Variants in CLVS1 observed in about 807,000 individuals in gnomAD.
CLVS1 encodes clavesin-1.
Under a neutral mutation model 33.1 loss-of-function variants are expected in CLVS1, and 10 were observed. That is an observed-to-expected ratio of 0.30 (90% confidence interval 0.19 to 0.51). The LOEUF (loss-of-function observed/expected upper bound fraction) is 0.51. CLVS1 is among the 20% of genes least tolerant of loss of function. The probability of loss-of-function intolerance (pLI) is 0.97; values close to 1 mark genes in which losing one functional copy is unlikely to be tolerated. For missense variants in CLVS1, 343 were observed against 433.4 expected (o/e 0.79, Z 1.85); for synonymous variants, 163 against 166.1 (o/e 0.98, Z 0.14).
intron 2 of CLVS1, among the ~76,000 whole-genome samples, chr8:61,312,161 G>T (rs1937632383): frequency 6.6e-6 from 1 of 152,164 alleles, no homozygotes. Flanking sequence ...GAGAAGGAAA[G>T]CCCCTGGCAC....
chr8:61,228,926 G>T (rs1808381214), intron 2 of CLVS1, among the ~76,000 whole-genome samples: 1 of 152,140 alleles, frequency 6.6e-6, no homozygotes, highest in South Asian at 2.1e-4. Context: ...CAGTGGGATT[G>T]CTGAGTCATG....
intron 2 of CLVS1, among the ~76,000 whole-genome samples, chr8:61,324,874 T>C (rs979151841): frequency 2.6e-5 from 4 of 152,108 alleles, no homozygotes; most frequent in Non-Finnish European, 5.9e-5. Flanking sequence ...ATTCTTTATC[T>C]AGAGATTTGT....
At chr8:61,064,707 AT>A (rs569321920) in intron 1 of CLVS1, among the ~76,000 whole-genome samples, 1,507 of 143,670 alleles carry the variant, frequency 0.01, 13 homozygotes, top group Non-Finnish European at 0.015. Flanking sequence ...CGTCCAGCTA[AT>A]TTTTTTTTTT....
At chr8:61,339,765 G>GAGAGAAGGAGGGAGGGAGAAAC (rs1811948060) in intron 2 of CLVS1, among the ~76,000 whole-genome samples, 1 of 145,308 alleles carries the variant, frequency 6.9e-6, no homozygotes, top group South Asian at 2.3e-4. Flanking sequence ...GAGGGAGAAA[G>GAGAGAAGGAGGGAGGGAGAAAC]AGAGGGAAGG....
the CLVS1 span, among the ~76,000 whole-genome samples, chr8:61,007,738 G>A: frequency 6.6e-6 from 1 of 152,132 alleles, no homozygotes; most frequent in African/African-American, 2.4e-5. Flanking sequence ...GACACAAACC[G>A]GCACAGAAAA....
the CLVS1 span, among the ~76,000 whole-genome samples, chr8:61,026,226 C>T: frequency 2.9e-4 from 44 of 152,220 alleles, no homozygotes; most frequent in African/African-American, 9.9e-4. Flanking sequence ...AGAGGGAAGA[C>T]CCTCTTCATG....
chr8:61,329,701 C>A (rs1391470362), intron 2 of CLVS1, among the ~76,000 whole-genome samples: 4 of 152,096 alleles, frequency 2.6e-5, no homozygotes, highest in African/African-American at 7.2e-5. Context: ...CAATATTTGT[C>A]ATTTATATTA....
In CLVS1 at chr8:61,361,615, C is replaced by T. The variant is rs184123198; in HGVS notation, c.456-14990C>T. On this transcript the variant is annotated intron_variant, in intron 2 of 5. Coordinates refer to ENST00000325897, the MANE Select transcript of CLVS1 (RefSeq NM_173519.3). ...CTCTGGCTGTACAGAGAGAGTTCTT[C>T]AGGGTCTTATTTTAGAAGGAAAAAC... Among the ~76,000 whole-genome samples, 255 of 152,262 alleles carry T rather than the reference C, an allele frequency of 1.7e-3. 5 individuals are homozygous for T. The highest frequency in any genetic ancestry group is 2.0e-3 in the Non-Finnish European group (133 of 68,022).
intron 2 of CLVS1, among the ~76,000 whole-genome samples, chr8:61,200,967 G>T (rs149214241): frequency 6.6e-6 from 1 of 152,276 alleles, no homozygotes; most frequent in African/African-American, 2.4e-5. Context: ...ATGTTTTCAA[G>T]ATATTGTTAG....
At chr8:61,059,760 G>A (rs549579848) in intron 1 of CLVS1, among the ~76,000 whole-genome samples, 6 of 149,608 alleles carry the variant, frequency 4.0e-5, no homozygotes, top group East Asian at 2.0e-4. Flanking sequence ...GCAGTGAGCC[G>A]AGATCACACC....
chr8:61,339,377 T>C (rs1811930033), intron 2 of CLVS1, among the ~76,000 whole-genome samples: 1 of 152,146 alleles, frequency 6.6e-6, no homozygotes, highest in Non-Finnish European at 1.5e-5. Flanking sequence ...GGAATTTTGC[T>C]TAAGGTGGGA....
the CLVS1 span, among the ~76,000 whole-genome samples, chr8:61,033,161 A>AAGAGAGAAAGAAAGAAAGAAAGAAAAAG: frequency 2.2e-5 from 2 of 92,130 alleles, no homozygotes; most frequent in Non-Finnish European, 4.5e-5. Flanking sequence ...GAAAGAAAGA[A>AAGAGAGAAAGAAAGAAAGAAAGAAAAAG]AAAGAAAGAA....
At chr8:61,205,614 G>T (rs1399343569) in intron 2 of CLVS1, among the ~76,000 whole-genome samples, 1 of 151,972 alleles carries the variant, frequency 6.6e-6, no homozygotes, top group African/African-American at 2.4e-5. Flanking sequence ...GCTGCCTTTG[G>T]GTATACTTCC....
the CLVS1 span, among the ~76,000 whole-genome samples, chr8:61,024,718 A>T: frequency 6.6e-6 from 1 of 152,170 alleles, no homozygotes; most frequent in Admixed American, 6.5e-5. Flanking sequence ...GACTGTGGTG[A>T]TAAGTCCACT....
At chr8:61,487,701 G>A (rs190049775) in intron 5 of CLVS1, among the ~76,000 whole-genome samples, 65 of 152,360 alleles carry the variant, frequency 4.3e-4, no homozygotes, top group Non-Finnish European at 6.3e-4. Flanking sequence ...CCCTAGTGGG[G>A]AGGATACAGA....
chr8:61,237,337 A>G (rs1304315101), intron 2 of CLVS1, among the ~76,000 whole-genome samples: 1 of 152,190 alleles, frequency 6.6e-6, no homozygotes, highest in Non-Finnish European at 1.5e-5. Context: ...AGTCCCAGCT[A>G]CCCAGGAGGC....
intron 2 of CLVS1, among the ~76,000 whole-genome samples, chr8:61,232,316 G>A (rs991957387): frequency 3.3e-5 from 5 of 151,992 alleles, no homozygotes; most frequent in Admixed American, 1.3e-4. Flanking sequence ...TATTACAGGC[G>A]TGAGCCACCG....
intron 1 of CLVS1, among the ~76,000 whole-genome samples, chr8:61,070,469 C>CTG (rs1443871192): frequency 6.6e-6 from 1 of 152,234 alleles, no homozygotes; most frequent in Non-Finnish European, 1.5e-5. Flanking sequence ...CAGCACATTG[C>CTG]CTCAAGTCTT....
chr8:61,495,654 GT>G (rs1409980616), intron 5 of CLVS1, among the ~76,000 whole-genome samples: 1 of 152,176 alleles, frequency 6.6e-6, no homozygotes, highest in African/African-American at 2.4e-5. Context: ...GAGAGAAATT[GT>G]TAACAGCAGC....
Sources: gnomAD v4.1 joint callset for allele counts (sites outside exome capture counted in the v4.1 genomes callset) on GRCh38, gnomAD v4.1.1 for gene constraint, MANE v1.5 for transcripts, NCBI Gene and HGNC (gene_info 2026-07-23, HGNC 2026-07-21) for gene names.